Variants in PCSK2 observed in about 807,000 individuals in gnomAD.
PCSK2 encodes proprotein convertase subtilisin/kexin type 2, also known as neuroendocrine convertase 2.
Under a neutral mutation model 69.7 loss-of-function variants are expected in PCSK2, and 14 were observed. That is an observed-to-expected ratio of 0.20 (90% CI 0.13 to 0.31). PCSK2 has a LOEUF of 0.31. Among genes scored for constraint, PCSK2 ranks in the 10% least tolerant of loss-of-function variants. The pLI is 1.00. For missense variants in PCSK2, 544 were observed against 842.5 expected (o/e 0.65, Z 4.39); for synonymous variants, 307 against 320.7 (o/e 0.96, Z 0.46).
intron 2 of PCSK2, among the ~76,000 whole-genome samples, chr20:17,272,284 C>T (rs762375827): frequency 5.9e-5 from 9 of 152,168 alleles, no homozygotes; most frequent in East Asian, 3.9e-4. Flanking sequence ...GCTCACTTCC[C>T]GTATCTCCCA....
intron 1 of PCSK2, among the ~76,000 whole-genome samples, chr20:17,250,927 T>C (rs539799552): frequency 1.3e-5 from 2 of 151,920 alleles, no homozygotes; most frequent in African/African-American, 2.4e-5. Context: ...CAGCAAAACC[T>C]GATCTCTACT....
chr20:17,319,082 T>A (rs1989783836), intron 2 of PCSK2, among the ~76,000 whole-genome samples: 1 of 152,250 alleles, frequency 6.6e-6, no homozygotes, highest in Admixed American at 6.5e-5. Flanking sequence ...AGCCATTAAA[T>A]AATTAATTGT....
chr20:17,452,741 A>T (rs569758609), intron 8 of PCSK2, among the ~76,000 whole-genome samples: 1 of 152,348 alleles, frequency 6.6e-6, no homozygotes, highest in South Asian at 2.1e-4. Flanking sequence ...CCACAGGTGA[A>T]CACTAAGCAG....
At chr20:17,277,246 A>G (rs1988118522) in intron 2 of PCSK2, among the ~76,000 whole-genome samples, 1 of 152,226 alleles carries the variant, frequency 6.6e-6, no homozygotes, top group South Asian at 2.1e-4. Context: ...ACCAAAAAAG[A>G]GCCTGCATTG....
intron 2 of PCSK2, among the ~76,000 whole-genome samples, chr20:17,300,250 C>T (rs1405453092): frequency 1.3e-5 from 2 of 152,232 alleles, no homozygotes; most frequent in African/African-American, 4.8e-5. Context: ...TAGAAGTCCA[C>T]AGCCCTGTCC....
At chr20:17,416,540 G>A (rs2032002982) in intron 6 of PCSK2, among the ~76,000 whole-genome samples, 1 of 150,688 alleles carries the variant, frequency 6.6e-6, no homozygotes, top group African/African-American at 2.4e-5. Flanking sequence ...TGGAGAGGAT[G>A]TGGAGAAATA....
chr20:17,331,375 C>A (rs1990201854), intron 2 of PCSK2, among the ~76,000 whole-genome samples: 2 of 152,188 alleles, frequency 1.3e-5, no homozygotes, highest in African/African-American at 4.8e-5. Flanking sequence ...GAGGTCACAG[C>A]CAAGAAGAAC....
intron 5 of PCSK2, among the ~76,000 whole-genome samples, chr20:17,374,023 G>A (rs1004413778): frequency 4.6e-5 from 7 of 152,126 alleles, no homozygotes; most frequent in East Asian, 1.9e-4. Context: ...GTCATGACAC[G>A]AAATGAGTAT....
At chr20:17,237,689 G>T (rs940511654) in intron 1 of PCSK2, among the ~76,000 whole-genome samples, 27 of 152,136 alleles carry the variant, frequency 1.8e-4, no homozygotes, top group Non-Finnish European at 1.5e-5. Context: ...CTGGAATAAG[G>T]ACTTAAATGC....
At chr20:17,229,770 A>T (rs1986079637) in intron 1 of PCSK2, among the ~76,000 whole-genome samples, 1 of 152,028 alleles carries the variant, frequency 6.6e-6, no homozygotes, top group African/African-American at 2.4e-5. Context: ...CTCCTTTTGG[A>T]TCCATGTCTT....
At chr20:17,451,756 C>T (rs1568656067) in intron 8 of PCSK2, among the ~76,000 whole-genome samples, 1 of 152,056 alleles carries the variant, frequency 6.6e-6, no homozygotes, top group Non-Finnish European at 1.5e-5. Context: ...TACCACACTC[C>T]CCACACAAAG....
intron 6 of PCSK2, among the ~76,000 whole-genome samples, chr20:17,411,767 G>C (rs1013384637): frequency 2.0e-5 from 3 of 152,216 alleles, no homozygotes; most frequent in Non-Finnish European, 4.4e-5. Context: ...CCCAGTAGGG[G>C]CCAACAGACA....
intron 2 of PCSK2, among the ~76,000 whole-genome samples, chr20:17,273,798 A>G (rs533736301): frequency 6.6e-6 from 1 of 152,310 alleles, no homozygotes; most frequent in Non-Finnish European, 1.5e-5. Flanking sequence ...TACAAGTCAC[A>G]AGTCCAGCAT....
At chr20:17,428,191 A>G (rs60775007) in intron 6 of PCSK2, among the ~76,000 whole-genome samples, 2,650 of 152,322 alleles carry the variant, frequency 0.017, 37 homozygotes, top group Admixed American at 0.041. Flanking sequence ...ACTTTGTTCA[A>G]GCTGGTTCAC....
intron 5 of PCSK2, among the ~76,000 whole-genome samples, chr20:17,399,510 C>A (rs2031588184): frequency 6.6e-6 from 1 of 152,124 alleles, no homozygotes. Context: ...GCAACGTAAG[C>A]AACTGAAGCA....
chr20:17,322,925 G>A (rs866388675), intron 2 of PCSK2, among the ~76,000 whole-genome samples: 12 of 152,088 alleles, frequency 7.9e-5, no homozygotes, highest in East Asian at 7.7e-4. Context: ...GTCCAATGGC[G>A]TGATCTCGGC....
At chr20:17,407,369 A>C (rs2031775925) in intron 5 of PCSK2, among the ~76,000 whole-genome samples, 1 of 152,070 alleles carries the variant, frequency 6.6e-6, no homozygotes, top group African/African-American at 2.4e-5. Flanking sequence ...AGAGAAACAA[A>C]CCAGATTGGG....
At chr20:17,332,386 TG>T (rs1600498452) in intron 2 of PCSK2, among the ~76,000 whole-genome samples, 1 of 152,176 alleles carries the variant, frequency 6.6e-6, no homozygotes, top group African/African-American at 2.4e-5. Context: ...GGGAGGATTC[TG>T]ACAAGTAGAG....
intron 1 of PCSK2, among the ~76,000 whole-genome samples, chr20:17,238,179 A>G (rs1344153383): frequency 6.6e-6 from 1 of 152,212 alleles, no homozygotes; most frequent in African/African-American, 2.4e-5. Context: ...GGTACCAAAT[A>G]TAGACCATCC....
Sources: gnomAD v4.1 joint callset for allele counts (sites outside exome capture counted in the v4.1 genomes callset) on GRCh38, gnomAD v4.1.1 for gene constraint, MANE v1.5 for transcripts, NCBI Gene and HGNC (gene_info 2026-07-23, HGNC 2026-07-21) for gene names.